Variants in SETD2 observed in about 807,000 individuals in gnomAD.
SETD2 encodes SET domain containing 2, histone lysine methyltransferase.
In SETD2, 31 loss-of-function variants were observed where a neutral mutation model predicts 242.1. That is an observed-to-expected ratio of 0.13 (90% CI 0.10 to 0.17). The LOEUF (loss-of-function observed/expected upper bound fraction) is 0.17, where lower values mean the gene tolerates loss of function less well. SETD2 is among the 10% of genes least tolerant of loss of function. SETD2 has a pLI of 1.00. For synonymous variants in SETD2, 1,006 were observed against 1,066.5 expected, an observed-to-expected ratio of 0.94 and a Z score of 1.11; for missense variants, 2,481 against 3,046.3, an observed-to-expected ratio of 0.81 and a Z score of 4.37.
At chr3:47,150,082 T>C (rs1250858831) in intron 1 of SETD2, among the ~76,000 whole-genome samples, 1 of 129,408 alleles carries the variant, frequency 7.7e-6, no homozygotes, top group Non-Finnish European at 1.6e-5. Context: ...CAGGCTGGAG[T>C]GCAGTGGCGC....
chr3:47,024,003 T>C (rs893482226), intron 18 of SETD2, among the ~76,000 whole-genome samples: 5 of 152,360 alleles, frequency 3.3e-5, no homozygotes, highest in Admixed American at 1.3e-4. Context: ...CCTATTTCCC[T>C]CTCTCAAGAT....
In SETD2 at chr3:47,120,571, T is replaced by C; in HGVS notation, c.4065A>G (p.Lys1355=). ...TGTCTTTCTGAAGGGATAGAAGAAATTTATCGGACTGGTCTGAAAAATGGG... is the reference window on the plus strand; with the variant it reads ...TGTCTTTCTGAAGGGATAGAAGAAACTTATCGGACTGGTCTGAAAAATGGG... ...DGSHFSDQSD[K]FLLSLQKDKG... Residue 1355 remains lysine (K), a synonymous_variant, in exon 3 of 21, where the codon AAA becomes AAG. Coordinates refer to ENST00000409792, the MANE Select transcript of SETD2 (RefSeq NM_014159.7). 1 of 1,614,156 alleles carries C rather than the reference T, an allele frequency of 6.2e-7. No homozygotes were observed. Among genetic ancestry groups the C allele is most frequent in the Non-Finnish European group, 8.5e-7 (1 of 1,180,018 alleles).
rs552664119 is a variant in SETD2 at position 47,129,256 on chromosome 3, C to A, written c.72-2593G>T. Among the ~76,000 whole-genome samples the A allele has an allele frequency of 9.9e-5, 15 of 152,198 alleles. No individual in the cohort carries two copies. The South Asian group carries it at 2.7e-3, about 27-fold the overall frequency. ...TGTTTATAATAAAAGAATATAAGCA[C>A]AATCAGAAATTTGGAGGGAAATTTT... On this transcript the variant is annotated intron_variant, in intron 1 of 20. Transcript: ENST00000409792.
At chr3:47,114,887 A>C (rs2107723290) in intron 4 of SETD2, among the ~76,000 whole-genome samples, 1 of 151,652 alleles carries the variant, frequency 6.6e-6, no homozygotes, top group East Asian at 1.9e-4. Context: ...AAAAAAAAAA[A>C]AAAAAAAAAA....
chr3:47,079,793 C>G (rs2041249094), intron 12 of SETD2, among the ~76,000 whole-genome samples: 1 of 152,092 alleles, frequency 6.6e-6, no homozygotes, highest in Non-Finnish European at 1.5e-5. Context: ...CAGATTTGGC[C>G]AACCCTTGAT....
intron 1 of SETD2, among the ~76,000 whole-genome samples, chr3:47,147,616 C>A (rs921923740): frequency 2.6e-5 from 4 of 151,090 alleles, no homozygotes; most frequent in African/African-American, 9.7e-5. Context: ...GCCCAGCCAG[C>A]ATGTCATTTT....
At chr3:47,043,666 C>G (rs1333821222) in intron 16 of SETD2, among the ~76,000 whole-genome samples, 2 of 152,226 alleles carry the variant, frequency 1.3e-5, no homozygotes, top group Non-Finnish European at 2.9e-5. Flanking sequence ...ACCCCAGGCT[C>G]AGATAAAATG....
At chr3:47,080,569 T>C (rs1011367476) in intron 12 of SETD2, among the ~76,000 whole-genome samples, 2 of 152,190 alleles carry the variant, frequency 1.3e-5, no homozygotes, top group African/African-American at 4.8e-5. Context: ...GGGTATATTT[T>C]CAGCATGAAG....
chr3:47,089,039 AAT>A (rs2041685396), intron 9 of SETD2, among the ~76,000 whole-genome samples: 1 of 152,350 alleles, frequency 6.6e-6, no homozygotes, highest in South Asian at 2.1e-4. Flanking sequence ...CAATCTTAAA[AAT>A]ATGTCATTAA....
chr3:47,056,854 T>A lies in SETD2; in HGVS notation c.6930A>T (p.Ser2310=). ...QTCPTVYGVT[S]PYSQTTPPIV... The stretch of plus-strand genomic sequence containing the variant: ...TTGGTGGAGTTGTCTGTGAATAAGG[T>A]GATGTCACACCATAGACTGTTGGAC... The change falls in exon 15 of 21, where the codon TCA becomes TCT. Residue 2310 remains serine (S), a synonymous_variant. Coordinates refer to ENST00000409792, the MANE Select transcript of SETD2 (RefSeq NM_014159.7). The A allele has an allele frequency of 6.2e-7, 1 of 1,614,106 alleles. No homozygotes were observed.
Position 47,116,764 on chromosome 3 carries a change from A to G in SETD2, c.4455-10T>C. 6.4e-7 allele frequency: 1 copy of G among 1,555,722 alleles called. No individual in the cohort carries two copies. Among genetic ancestry groups the G allele is most frequent in the East Asian group, 2.3e-5 (1 of 44,402 alleles). ...AGATTTATTCTTCTTTCTATTGGGT[A>G]AAATTTCATAAAAACTGATTAAATA... On this transcript the variant is annotated splice_polypyrimidine_tract_variant and intron_variant, in intron 3 of 20. Coordinates refer to ENST00000409792, the MANE Select transcript of SETD2 (RefSeq NM_014159.7).
chr3:47,081,869 T>C (rs993424387), intron 12 of SETD2, among the ~76,000 whole-genome samples: 12 of 152,206 alleles, frequency 7.9e-5, no homozygotes, highest in African/African-American at 2.9e-4. Flanking sequence ...AGAATTTTAC[T>C]TAACGGCTCC....
chr3:47,116,572 A>T (rs750564283), intron 4 of SETD2, 51 bp downstream of exon 4: 7 of 1,543,776 alleles, frequency 4.5e-6, no homozygotes, highest in Non-Finnish European at 5.3e-6. Context: ...CAATATTTAG[A>T]GACATTTAAT....
At chr3:47,055,272 C>G (rs976940286) in intron 15 of SETD2, among the ~76,000 whole-genome samples, 1 of 152,110 alleles carries the variant, frequency 6.6e-6, no homozygotes, top group Non-Finnish European at 1.5e-5. Context: ...CTGTTTAATA[C>G]TAAGTATTAT....
chr3:47,103,086 T>A (rs370610601), intron 7 of SETD2, among the ~76,000 whole-genome samples: 1 of 152,214 alleles, frequency 6.6e-6, no homozygotes, highest in Non-Finnish European at 1.5e-5. Context: ...ATTCTCTGGA[T>A]CTGATCCTTT....
At chr3:47,021,396 G>T (rs1379345331) in intron 18 of SETD2, among the ~76,000 whole-genome samples, 3 of 151,810 alleles carry the variant, frequency 2.0e-5, no homozygotes, top group Non-Finnish European at 4.4e-5. Flanking sequence ...CTCTGGATAG[G>T]GTATGCACTC....
intron 1 of SETD2, chr3:47,145,608 C>A: frequency 3.1e-6 from 1 of 324,290 alleles, no homozygotes; most frequent in Non-Finnish European, 6.5e-6. Flanking sequence ...AAATTTCCCA[C>A]TGTGGCATCA....
At position 47,120,346 on chromosome 3, in the gene SETD2, C is replaced by A; in HGVS notation, c.4290G>T (p.Glu1430Asp). ...ELQDRKKVRV[E>D]VEQGETSVPP... ...GCACTGATGTCTCTCCCTGCTCTACCTCCACTCTAACTTTCTTTCTGTCCT... is the reference window on the plus strand; with the variant it reads ...GCACTGATGTCTCTCCCTGCTCTACATCCACTCTAACTTTCTTTCTGTCCT... Residue 1430 changes from glutamate to aspartate, a missense_variant, in exon 3 of 21, where the codon GAG becomes GAT. This residue lies in a region of SETD2 where 1,300 missense variants were observed against 1,259.2 expected (regional missense o/e 1.03). Coordinates refer to ENST00000409792, the MANE Select transcript of SETD2 (RefSeq NM_014159.7). 1 of 1,613,542 alleles carries A rather than the reference C, an allele frequency of 6.2e-7. No individual in the cohort carries two copies. Among genetic ancestry groups the A allele is most frequent in the Non-Finnish European group, 8.5e-7 (1 of 1,179,790 alleles).
At chr3:47,038,216 C>T (rs917281221) in intron 17 of SETD2, among the ~76,000 whole-genome samples, 2 of 152,196 alleles carry the variant, frequency 1.3e-5, no homozygotes, top group African/African-American at 4.8e-5. Flanking sequence ...CTCTCACAGT[C>T]CTTGACCACG....
Sources: allele counts gnomAD v4.1 joint callset (sites outside exome capture counted in the v4.1 genomes callset), GRCh38; gene constraint gnomAD v4.1.1; regional missense constraint gnomAD v4.1.1; transcripts MANE v1.5; gene names NCBI Gene and HGNC (gene_info 2026-07-23, HGNC 2026-07-21).